The following DPYSL3 variants were observed in gnomAD, a reference collection of about 807,000 sequenced individuals.
DPYSL3 encodes dihydropyrimidinase-related protein 3.
Under a neutral mutation model 66.1 loss-of-function variants are expected in DPYSL3, and 16 were observed. That is an observed-to-expected ratio of 0.24 (90% CI 0.16 to 0.37). The LOEUF (loss-of-function observed/expected upper bound fraction) is 0.37, where lower values mean the gene tolerates loss of function less well. Ranked by LOEUF, DPYSL3 falls within the 10% of genes least tolerant of loss-of-function variation. The pLI is 1.00. For missense variants in DPYSL3, 738 were observed against 916.2 expected, an observed-to-expected ratio of 0.81 and a Z score of 2.51; for synonymous variants, 338 against 345.1, an observed-to-expected ratio of 0.98 and a Z score of 0.23.
chr5:147,447,917 T>C (rs1160178903), intron 1 of DPYSL3, among the ~76,000 whole-genome samples: 1 of 152,202 alleles, frequency 6.6e-6, no homozygotes, highest in Non-Finnish European at 1.5e-5. Flanking sequence ...TGTCTCCTTC[T>C]GATTAGATGC....
chr5:147,427,819 A>G (rs1158233667), intron 1 of DPYSL3, among the ~76,000 whole-genome samples: 1 of 152,174 alleles, frequency 6.6e-6, no homozygotes, highest in East Asian at 1.9e-4. Flanking sequence ...AATCTTGGTA[A>G]CTGTAAGAGT....
Position 147,462,577 on chromosome 5 carries a change from C to A in DPYSL3, c.382-37614G>T, listed in dbSNP as rs190123502. Among the ~76,000 whole-genome samples the A allele has an allele frequency of 8.1e-4, 123 of 152,262 alleles. 1 individual carries two copies. In the Middle Eastern group the frequency reaches 0.01, roughly 13 times the overall value. On this transcript the variant is annotated intron_variant, in intron 1 of 13. Coordinates refer to ENST00000343218, the MANE Select transcript of DPYSL3 (RefSeq NM_001197294.2). The stretch of plus-strand genomic sequence containing the variant: ...AAGAACAAATTATTGCACTAGGGAA[C>A]TCCTGCAATGAAGGAAGCACAAAGC...
chr5:147,471,360 C>T (rs1312326923), intron 1 of DPYSL3, among the ~76,000 whole-genome samples: 1 of 152,162 alleles, frequency 6.6e-6, no homozygotes, highest in Admixed American at 6.5e-5. Context: ...ATCAGGATGT[C>T]AGCTACAGTC....
intron 2 of DPYSL3, among the ~76,000 whole-genome samples, chr5:147,419,977 T>C (rs547396296): frequency 6.6e-6 from 1 of 152,150 alleles, no homozygotes; most frequent in South Asian, 2.1e-4. Context: ...TGTGTTTTCA[T>C]CCATTTTGAC....
rs147533016 is a variant in DPYSL3, at chr5:147,420,522, T to C, written c.471-1891A>G. On this transcript the variant is annotated intron_variant, in intron 2 of 13. Coordinates refer to ENST00000343218, the MANE Select transcript of DPYSL3 (RefSeq NM_001197294.2). ...GAAGACAGCATGATGATTTGGGCCT[T>C]GATAATGAGTACCATACCGTGTGAC... Among the ~76,000 whole-genome samples, 432 of 152,288 alleles carry C rather than the reference T, an allele frequency of 2.8e-3. 4 individuals carry two copies. The highest frequency in any genetic ancestry group is 9.9e-3 in the African/African-American group (411 of 41,552).
At chr5:147,424,677 G>A (rs1752162484) in intron 2 of DPYSL3, among the ~76,000 whole-genome samples, 198 bp downstream of exon 2, 1 of 152,062 alleles carries the variant, frequency 6.6e-6, no homozygotes. Context: ...TAAGGATGAT[G>A]GCCACATCTT....
intron 1 of DPYSL3, among the ~76,000 whole-genome samples, chr5:147,507,193 C>T (rs1753694660): frequency 1.3e-5 from 2 of 152,238 alleles, no homozygotes; most frequent in South Asian, 4.1e-4. Context: ...ACTATGGCAT[C>T]ACCCAGCCTT....
chr5:147,442,442 G>A (rs1174305676), intron 1 of DPYSL3, among the ~76,000 whole-genome samples: 1 of 152,158 alleles, frequency 6.6e-6, no homozygotes, highest in Non-Finnish European at 1.5e-5. Context: ...ACTAATGAAG[G>A]AATGAGTGGT....
intron 1 of DPYSL3, among the ~76,000 whole-genome samples, chr5:147,485,774 T>C (rs1464083884): frequency 6.6e-6 from 1 of 152,186 alleles, no homozygotes; most frequent in Non-Finnish European, 1.5e-5. Context: ...TCCGCAATCC[T>C]CTTCTATTAA....
At chr5:147,436,183 G>A (rs1752412281) in intron 1 of DPYSL3, among the ~76,000 whole-genome samples, 1 of 152,170 alleles carries the variant, frequency 6.6e-6, no homozygotes, top group Admixed American at 6.5e-5. Flanking sequence ...GTATGGAGCA[G>A]GGTAGACAAA....
chr5:147,482,549 A>G (rs958678), intron 1 of DPYSL3, among the ~76,000 whole-genome samples: 46 of 152,318 alleles, frequency 3.0e-4, no homozygotes, highest in African/African-American at 9.9e-4. Flanking sequence ...CTTATAATCT[A>G]TTCTAGTGAT....
At chr5:147,445,237 A>T (rs1752609887) in intron 1 of DPYSL3, among the ~76,000 whole-genome samples, 1 of 152,230 alleles carries the variant, frequency 6.6e-6, no homozygotes. Context: ...CCAGACAAGA[A>T]AGAAGTCCAA....
intron 1 of DPYSL3, among the ~76,000 whole-genome samples, chr5:147,441,066 G>A (rs1468950345): frequency 6.6e-6 from 1 of 152,170 alleles, no homozygotes; most frequent in Non-Finnish European, 1.5e-5. Flanking sequence ...CATGGGCTCT[G>A]GCCTGCCATA....
Position 147,391,227 on chromosome 5 carries a change from G to C in DPYSL3, c.*2808C>G, listed in dbSNP as rs1757789920. ...AGGTGTCAGCCCTTTGTGGAAACAT[G>C]ACACTCTCAGTATAGACAGTCGTGA... is the stretch of plus-strand genomic sequence containing the variant. On this transcript the variant is annotated 3_prime_UTR_variant, in exon 14 of 14. Transcript: ENST00000343218. The C allele has an allele frequency of 2.0e-5, 3 of 152,638 alleles. No individual in the cohort carries two copies. Among genetic ancestry groups the C allele is most frequent in the Admixed American group, 6.5e-5 (1 of 15,284 alleles). 9.5% of individuals were successfully genotyped at this position (152,638 alleles called of 1,614,324 possible).
chr5:147,425,452 G>A (rs931798775), intron 1 of DPYSL3, among the ~76,000 whole-genome samples: 2 of 152,198 alleles, frequency 1.3e-5, no homozygotes, highest in Admixed American at 6.5e-5. Context: ...TCATGGTTAT[G>A]TCTAAAATTC....
At chr5:147,486,879 A>C (rs903107773) in intron 1 of DPYSL3, among the ~76,000 whole-genome samples, 23 of 152,296 alleles carry the variant, frequency 1.5e-4, no homozygotes, top group Admixed American at 5.2e-4. Flanking sequence ...TCACTCTCCC[A>C]ATTATATCCT....
rs112585056 is a variant in DPYSL3, at chr5:147,433,093, G to C, written c.382-8130C>G. On this transcript the variant is annotated intron_variant, in intron 1 of 13. Transcript: ENST00000343218. ...AAAATTTGTCATTATGTGATTCCAT[G>C]TTATTTAATGCCTTCTTCCACAACC... 7.2e-3 allele frequency among the ~76,000 whole-genome samples: 1,100 copies of C among 152,322 alleles called. 9 individuals carry two copies. The highest frequency in any genetic ancestry group is 0.014 in the Middle Eastern group (4 of 294).
At chr5:147,478,210 A>T (rs1753187244) in intron 1 of DPYSL3, among the ~76,000 whole-genome samples, 1 of 152,204 alleles carries the variant, frequency 6.6e-6, no homozygotes, top group Non-Finnish European at 1.5e-5. Flanking sequence ...ACACACTCTG[A>T]CATTTTAATT....
intron 1 of DPYSL3, among the ~76,000 whole-genome samples, chr5:147,474,595 A>C (rs1274519341): frequency 6.6e-6 from 1 of 152,066 alleles, no homozygotes; most frequent in African/African-American, 2.4e-5. Context: ...CTTTTACAAC[A>C]GTGTTTATTA....
Sources: allele counts gnomAD v4.1 joint callset (sites outside exome capture counted in the v4.1 genomes callset), GRCh38; gene constraint gnomAD v4.1.1; transcripts MANE v1.5; gene names NCBI Gene and HGNC (gene_info 2026-07-23, HGNC 2026-07-21).